The following STRN3 variants were observed in gnomAD, a reference collection of about 807,000 sequenced individuals.
The protein encoded by STRN3 is striatin 3.
A neutral mutation model predicts 95.6 loss-of-function variants in STRN3; 29 were observed. The ratio of observed to expected loss-of-function variants is 0.30; its 90% CI spans 0.23 to 0.41. STRN3 has a LOEUF of 0.41. Ranked by LOEUF, STRN3 falls within the 10% of genes least tolerant of loss-of-function variation. The pLI is 1.00. For missense variants in STRN3, 890 were observed against 972.1 expected, an observed-to-expected ratio of 0.92 and a Z score of 1.12; for synonymous variants, 331 against 357.6, an observed-to-expected ratio of 0.93 and a Z score of 0.84.
intron 1 of STRN3, among the ~76,000 whole-genome samples, chr14:30,983,767 T>G (rs1386851797): frequency 6.6e-6 from 1 of 152,206 alleles, no homozygotes; most frequent in Non-Finnish European, 1.5e-5. Context: ...TACTCATATT[T>G]ATTACTATAG....
chr14:30,979,860 A>C (rs1279439174), intron 1 of STRN3, among the ~76,000 whole-genome samples: 5 of 151,858 alleles, frequency 3.3e-5, no homozygotes, highest in Admixed American at 1.3e-4. Context: ...TTGGCTTCCC[A>C]AAGTGCTGGG....
At chr14:31,000,128 G>A (rs1382990086) in intron 1 of STRN3, among the ~76,000 whole-genome samples, 2 of 152,040 alleles carry the variant, frequency 1.3e-5, no homozygotes, top group African/African-American at 4.8e-5. Flanking sequence ...AAATACTAAA[G>A]GGAGTCTTTC....
In STRN3 at chr14:30,999,439, A is replaced by G. The variant is rs77529256; in HGVS notation, c.282+26465T>C. On this transcript the variant is annotated intron_variant, in intron 1 of 17. Coordinates refer to ENST00000357479, the MANE Select transcript of STRN3 (RefSeq NM_001083893.2). ...AACTAAAGGAAAACATATGAGAATG[A>G]TATTTTACCAAATAAAGAATGTTAA... 1.1e-3 allele frequency among the ~76,000 whole-genome samples: 173 copies of G among 152,344 alleles called. 2 individuals are homozygous for G. In the East Asian group the frequency reaches 0.032, roughly 28 times the overall value.
At chr14:30,901,011 T>C (rs1006893636) in intron 16 of STRN3, among the ~76,000 whole-genome samples, 2 of 152,186 alleles carry the variant, frequency 1.3e-5, no homozygotes, top group African/African-American at 4.8e-5. Context: ...CCCATATAAC[T>C]GTAAATCTTC....
Position 30,993,131 on chromosome 14 carries a change from T to C in STRN3, c.282+32773A>G, listed in dbSNP as rs573270671. Among the ~76,000 whole-genome samples, 3 of 152,238 alleles carry C rather than the reference T, an allele frequency of 2.0e-5. No individual in the cohort carries two copies. The South Asian group carries it at 6.2e-4, about 32-fold the overall frequency. On this transcript the variant is annotated intron_variant, in intron 1 of 17. Coordinates refer to ENST00000357479, the MANE Select transcript of STRN3 (RefSeq NM_001083893.2). Reference sequence around the variant, plus strand: ...AATAAACTAGCCAGGTAGGCTGGCATGTGCCTATAGTCCCAGCTATTATAC... The same window carrying C: ...AATAAACTAGCCAGGTAGGCTGGCACGTGCCTATAGTCCCAGCTATTATAC...
chr14:31,017,192 A>G (rs1883280386), intron 1 of STRN3, among the ~76,000 whole-genome samples: 1 of 151,970 alleles, frequency 6.6e-6, no homozygotes, highest in South Asian at 2.1e-4. Flanking sequence ...CTATTTACAT[A>G]GCATTTAGAT....
chr14:30,971,826 C>A (rs952698813), intron 1 of STRN3, among the ~76,000 whole-genome samples: 1 of 152,122 alleles, frequency 6.6e-6, no homozygotes, highest in Non-Finnish European at 1.5e-5. Flanking sequence ...TCCCTTGCAG[C>A]CATAATAGGT....
chr14:30,932,871 T>A (rs1212553980), intron 7 of STRN3, among the ~76,000 whole-genome samples: 2 of 152,228 alleles, frequency 1.3e-5, no homozygotes, highest in Non-Finnish European at 2.9e-5. Flanking sequence ...AGATATTTGA[T>A]AAGTTATTTC....
intron 7 of STRN3, among the ~76,000 whole-genome samples, chr14:30,929,979 A>AAAAAAAAAAAAAAAACAAAAAAAAAAAC (rs1566441550): frequency 6.8e-5 from 10 of 147,468 alleles, no homozygotes; most frequent in Admixed American, 2.7e-4. Context: ...AAAAAAAAAA[A>AAAAAAAAAAAAAAAACAAAAAAAAAAAC]CTCAAATTCC....
intron 1 of STRN3, among the ~76,000 whole-genome samples, chr14:30,987,741 A>T (rs1443373821): frequency 1.4e-5 from 2 of 145,370 alleles, no homozygotes; most frequent in African/African-American, 2.5e-5. Flanking sequence ...GTTGAATATA[A>T]TTTTTTTTTT....
chr14:30,957,441 A>G (rs1235205057), intron 1 of STRN3, among the ~76,000 whole-genome samples: 1 of 129,332 alleles, frequency 7.7e-6, no homozygotes, highest in African/African-American at 3.0e-5. Context: ...CGACAGAGTG[A>G]GACTCCATTT....
chr14:30,971,456 C>T (rs1277419264), intron 1 of STRN3, among the ~76,000 whole-genome samples: 1 of 152,086 alleles, frequency 6.6e-6, no homozygotes, highest in Non-Finnish European at 1.5e-5. Context: ...TGGTGAGTGA[C>T]AAAAATGTAG....
chr14:30,920,333 T>G (rs1249712920), intron 8 of STRN3, among the ~76,000 whole-genome samples: 3 of 152,132 alleles, frequency 2.0e-5, no homozygotes, highest in African/African-American at 4.8e-5. Flanking sequence ...AGAAACTCAG[T>G]GTTACCTGAG....
intron 1 of STRN3, among the ~76,000 whole-genome samples, chr14:31,009,109 T>C (rs933086538): frequency 6.6e-6 from 1 of 152,106 alleles, no homozygotes; most frequent in African/African-American, 2.4e-5. Flanking sequence ...CTATGTATAC[T>C]GAAATAAAAT....
At chr14:30,953,078 A>T (rs988800030) in intron 3 of STRN3, among the ~76,000 whole-genome samples, 1 of 152,190 alleles carries the variant, frequency 6.6e-6, no homozygotes, top group Non-Finnish European at 1.5e-5. Context: ...TAACATAAAA[A>T]ATGACTGCAT....
intron 1 of STRN3, among the ~76,000 whole-genome samples, chr14:30,984,266 T>TAAAAA (rs755650146): frequency 2.3e-5 from 2 of 86,874 alleles, no homozygotes; most frequent in Non-Finnish European, 4.0e-5. Flanking sequence ...TGAGGAATTC[T>TAAAAA]AAAAAAAAAA....
chr14:30,938,550 T>C (rs1261114712), intron 5 of STRN3, among the ~76,000 whole-genome samples: 1 of 152,208 alleles, frequency 6.6e-6, no homozygotes, highest in Non-Finnish European at 1.5e-5. Context: ...TTTAAAACTG[T>C]ATTTAATCAC....
intron 1 of STRN3, among the ~76,000 whole-genome samples, chr14:31,021,361 G>A (rs1290714400): frequency 3.3e-5 from 5 of 151,994 alleles, no homozygotes; most frequent in Admixed American, 6.6e-5. Flanking sequence ...TTTGGGCCTC[G>A]ATATGCCAGT....
intron 1 of STRN3, among the ~76,000 whole-genome samples, chr14:30,984,358 C>A: frequency 6.7e-6 from 1 of 148,960 alleles, no homozygotes; most frequent in South Asian, 2.2e-4. Context: ...GAGCTGAGAT[C>A]ATGCCACTGC....
Sources: allele counts gnomAD v4.1 joint callset (sites outside exome capture counted in the v4.1 genomes callset), GRCh38; gene constraint gnomAD v4.1.1; transcripts MANE v1.5; gene names NCBI Gene and HGNC (gene_info 2026-07-23, HGNC 2026-07-21).